Variants in QTGAL observed in about 807,000 individuals in gnomAD.
QTGAL encodes the protein queuosine-tRNA galactosyltransferase.
At chr17:82,954,264 A>G in the QTGAL span, among the ~76,000 whole-genome samples, 1 of 151,948 alleles carries the variant, frequency 6.6e-6, no homozygotes, top group Non-Finnish European at 1.5e-5. Flanking sequence ...CAGCCCAAAA[A>G]CTCCTTAAGC....
chr17:82,974,517 C>A, the QTGAL span, among the ~76,000 whole-genome samples: 1 of 152,230 alleles, frequency 6.6e-6, no homozygotes, highest in African/African-American at 2.4e-5. Context: ...GAGCTGCGTC[C>A]CCTCGTGAGG....
chr17:83,010,254 C>T, the QTGAL span, among the ~76,000 whole-genome samples: 15 of 152,050 alleles, frequency 9.9e-5, no homozygotes, highest in African/African-American at 3.6e-4. Context: ...CCGGGGGCTT[C>T]GGCCGCCACT....
At chr17:83,024,070 G>A in the QTGAL span, among the ~76,000 whole-genome samples, 4 of 152,210 alleles carry the variant, frequency 2.6e-5, no homozygotes, top group South Asian at 2.1e-4. Flanking sequence ...CGCCTGATAC[G>A]AGGTCCTGTG....
the QTGAL span, chr17:82,957,412 C>T: frequency 1.2e-6 from 2 of 1,613,038 alleles, no homozygotes; most frequent in South Asian, 1.1e-5. Flanking sequence ...CCCTGCTTGC[C>T]AGCGTTCCAG....
the QTGAL span, among the ~76,000 whole-genome samples, chr17:82,983,258 C>T: frequency 3.3e-5 from 5 of 152,132 alleles, no homozygotes; most frequent in Non-Finnish European, 7.4e-5. Flanking sequence ...CCAGTCTGGG[C>T]GACAGAGCGA....
chr17:83,005,191 C>G, the QTGAL span: 1 of 1,609,218 alleles, frequency 6.2e-7, no homozygotes, highest in Non-Finnish European at 8.5e-7. The surrounding 1 kb of genome is among the most constrained non-coding windows in gnomAD (Gnocchi z 5.6). Context: ...GGGATCTCTC[C>G]TCACTCTGCA....
At chr17:83,014,634 C>A in the QTGAL span, 9 of 1,141,204 alleles carry the variant, frequency 7.9e-6, no homozygotes, top group East Asian at 2.0e-4. Context: ...TAGCTCACTG[C>A]AGCCTCAAAC....
the QTGAL span, chr17:82,957,034 C>G: frequency 8.2e-7 from 1 of 1,214,246 alleles, no homozygotes; most frequent in Non-Finnish European, 1.2e-6. Context: ...GTTCTCCCCC[C>G]AAGAATGGGG....
the QTGAL span, among the ~76,000 whole-genome samples, chr17:83,043,706 C>G: frequency 6.6e-6 from 1 of 152,004 alleles, no homozygotes; most frequent in Non-Finnish European, 1.5e-5. Flanking sequence ...AATAGCAAAT[C>G]AACAAAAAGA....
At chr17:82,999,561 A>T in the QTGAL span, among the ~76,000 whole-genome samples, 1 of 152,372 alleles carries the variant, frequency 6.6e-6, no homozygotes, top group Non-Finnish European at 1.5e-5. Flanking sequence ...ACGGTCGGTT[A>T]ACACATATTT....
chr17:83,040,961 G>A, the QTGAL span, among the ~76,000 whole-genome samples: 2 of 151,936 alleles, frequency 1.3e-5, no homozygotes, highest in African/African-American at 4.8e-5. Flanking sequence ...AGCTACTTGG[G>A]AGGCTGAGGC....
At chr17:82,998,203 C>T in the QTGAL span, among the ~76,000 whole-genome samples, 3 of 151,980 alleles carry the variant, frequency 2.0e-5, no homozygotes. Flanking sequence ...GCACTGCATG[C>T]CTATATGCAA....
At chr17:83,046,397 G>C in the QTGAL span, among the ~76,000 whole-genome samples, 1 of 152,086 alleles carries the variant, frequency 6.6e-6, no homozygotes, top group Non-Finnish European at 1.5e-5. Flanking sequence ...TCGGCCTCCC[G>C]AAGTGCCGGG....
the QTGAL span, among the ~76,000 whole-genome samples, chr17:82,986,669 C>T: frequency 1.3e-5 from 2 of 152,256 alleles, no homozygotes; most frequent in African/African-American, 4.8e-5. Context: ...TGTGAACTCA[C>T]TTAATGGAAT....
chr17:83,035,188 T>A, the QTGAL span: 1 of 1,208,766 alleles, frequency 8.3e-7, no homozygotes, highest in South Asian at 1.4e-5. Context: ...TATTCTTTTT[T>A]TTTTTTTCGA....
chr17:83,014,141 G>T, the QTGAL span, among the ~76,000 whole-genome samples: 2 of 152,244 alleles, frequency 1.3e-5, no homozygotes, highest in African/African-American at 4.8e-5. Flanking sequence ...ACGTTTAACT[G>T]TGAACACGGT....
At chr17:83,013,829 CAA>C in the QTGAL span, among the ~76,000 whole-genome samples, 1 of 152,194 alleles carries the variant, frequency 6.6e-6, no homozygotes, top group East Asian at 1.9e-4. Context: ...CGCTGTGATT[CAA>C]AGTCTTCTAA....
At chr17:82,962,990 T>C in the QTGAL span, among the ~76,000 whole-genome samples, 3 of 152,084 alleles carry the variant, frequency 2.0e-5, no homozygotes, top group Non-Finnish European at 2.9e-5. Flanking sequence ...CCAATCAGCC[T>C]CCAGGTGCCT....
the QTGAL span, among the ~76,000 whole-genome samples, chr17:82,964,771 G>A: frequency 2.6e-5 from 3 of 113,996 alleles, no homozygotes; most frequent in Non-Finnish European, 3.7e-5. Flanking sequence ...ACGGGGACAC[G>A]GACGCCTGCA....
Sources: gnomAD v4.1 joint callset for allele counts (sites outside exome capture counted in the v4.1 genomes callset) on GRCh38, gnomAD v4.1.1 for gene constraint, Gnocchi (gnomAD v3.1) non-coding constraint, MANE v1.5 for transcripts, NCBI Gene and HGNC (gene_info 2026-07-23, HGNC 2026-07-21) for gene names.